SMPD3: variants seen among roughly 807,000 people sequenced by gnomAD.
SMPD3 encodes the protein sphingomyelin phosphodiesterase 3, also known as nSMase-2.
SMPD3 carries 21 observed loss-of-function variants against 55.7 expected under a neutral mutation model. That is an observed-to-expected ratio of 0.38 (90% CI 0.27 to 0.54). The LOEUF (loss-of-function observed/expected upper bound fraction) is 0.54. SMPD3 is among the 20% of genes least tolerant of loss of function. The pLI is 0.80. For missense variants in SMPD3, 842 were observed against 899.6 expected (o/e 0.94, Z 0.82); for synonymous variants, 457 against 404.3 (o/e 1.13, Z -1.56).
In SMPD3 at chr16:68,447,365, A is replaced by C. The variant is rs183745584; in HGVS notation, c.-269+988T>G. Among the ~76,000 whole-genome samples the C allele has an allele frequency of 1.3e-5, 2 of 152,190 alleles. No homozygotes were observed. The highest frequency in any genetic ancestry group is 4.8e-5 in the African/African-American group (2 of 41,540). The stretch of plus-strand genomic sequence containing the variant: ...AGACCCGCCCCGTCCCGCTCTGTAC[A>C]TGCCCATCTGGGATTGGCCCCCAGC... On this transcript the variant is annotated intron_variant, in intron 1 of 8. Coordinates refer to ENST00000219334, the MANE Select transcript of SMPD3 (RefSeq NM_018667.4). This position sits in a 1 kb window ranked among gnomAD's most constrained non-coding sequence, Gnocchi z 5.1.
chr16:68,420,861 C>T (rs2090387996), intron 1 of SMPD3, among the ~76,000 whole-genome samples: 1 of 152,204 alleles, frequency 6.6e-6, no homozygotes, highest in South Asian at 2.1e-4. Flanking sequence ...GGGCCCTGAA[C>T]CCACTTCAAC....
At chr16:68,381,859 C>T (rs907650257) in intron 2 of SMPD3, among the ~76,000 whole-genome samples, 1 of 152,224 alleles carries the variant, frequency 6.6e-6, no homozygotes, top group African/African-American at 2.4e-5. Context: ...ATGCTGAAAA[C>T]AAGCCTCATT....
At chr16:68,392,739 T>C (rs959193515) in intron 1 of SMPD3, among the ~76,000 whole-genome samples, 1 of 146,068 alleles carries the variant, frequency 6.8e-6, no homozygotes, top group Non-Finnish European at 1.5e-5. Flanking sequence ...TGTGCGCCTG[T>C]AGTCCCAGTT....
chr16:68,411,802 C>A (rs1293855329), intron 1 of SMPD3, among the ~76,000 whole-genome samples: 1 of 152,088 alleles, frequency 6.6e-6, no homozygotes, highest in Admixed American at 6.5e-5. Flanking sequence ...GCTGTGACAC[C>A]TTGGGGATCC....
At chr16:68,363,373 G>A (rs1303277276) in intron 7 of SMPD3, 123 bp downstream of exon 7, 12 of 1,093,234 alleles carry the variant, frequency 1.1e-5, no homozygotes, top group Non-Finnish European at 1.6e-5. Context: ...TGAGGGACAG[G>A]TTTCTGCCAA....
At chr16:68,431,799 G>C (rs1271240588) in intron 1 of SMPD3, among the ~76,000 whole-genome samples, 1 of 152,190 alleles carries the variant, frequency 6.6e-6, no homozygotes, top group Non-Finnish European at 1.5e-5. Context: ...GTGGGCATCT[G>C]TAATCCCAGC....
chr16:68,420,221 G>T (rs1051295676), intron 1 of SMPD3, among the ~76,000 whole-genome samples: 1 of 152,090 alleles, frequency 6.6e-6, no homozygotes, highest in Non-Finnish European at 1.5e-5. Flanking sequence ...GGGATTATAC[G>T]TGTGAGCCAC....
At chr16:68,408,774 C>T (rs1273760833) in intron 1 of SMPD3, among the ~76,000 whole-genome samples, 1 of 152,138 alleles carries the variant, frequency 6.6e-6, no homozygotes, top group African/African-American at 2.4e-5. Context: ...TCCAGGAGGG[C>T]AAAAACACAT....
intron 1 of SMPD3, among the ~76,000 whole-genome samples, chr16:68,441,346 A>G (rs1307763627): frequency 6.6e-6 from 1 of 152,192 alleles, no homozygotes; most frequent in Admixed American, 6.5e-5. Flanking sequence ...ACTTTGCTAA[A>G]TGCCTCAGTT....
At chr16:68,397,756 C>T (rs1363863826) in intron 1 of SMPD3, among the ~76,000 whole-genome samples, 1 of 152,214 alleles carries the variant, frequency 6.6e-6, no homozygotes, top group Admixed American at 6.5e-5. Flanking sequence ...TCCTCATCTT[C>T]TGGCCTTTTG....
chr16:68,422,285 T>G (rs1313839251), intron 1 of SMPD3, among the ~76,000 whole-genome samples: 1 of 152,208 alleles, frequency 6.6e-6, no homozygotes, highest in African/African-American at 2.4e-5. Context: ...GAATTTATCC[T>G]AGGTGAGGAA....
chr16:68,396,208 T>C (rs2090155883), intron 1 of SMPD3, among the ~76,000 whole-genome samples: 1 of 152,186 alleles, frequency 6.6e-6, no homozygotes, highest in Non-Finnish European at 1.5e-5. Flanking sequence ...TCCCTCCTAA[T>C]TGGGCTGAAG....
intron 1 of SMPD3, among the ~76,000 whole-genome samples, chr16:68,386,870 C>T (rs2090060861): frequency 6.6e-6 from 1 of 152,126 alleles, no homozygotes; most frequent in Non-Finnish European, 1.5e-5. Flanking sequence ...GTGGGTGGGG[C>T]CCGAGGTTTG....
Position 68,371,324 on chromosome 16 carries a change from G to C in SMPD3, c.858C>G (p.Asp286Glu), listed in dbSNP as rs145717053. Residue 286 changes from aspartate (D) to glutamate (E), a missense_variant, in exon 3 of 9, where the codon GAC becomes GAG. By Grantham distance (45) the Asp-to-Glu change is conservative. This residue lies in a region of SMPD3 where 649 missense variants were observed against 643.6 expected (regional missense o/e 1.01). Transcript: ENST00000219334. ...RGQTPNHNQQ[D>E]GDSGSLGSPS... ...GGCTGCCCAGGCTCCCTGAATCCCC[G>C]TCCTGCTGATTATGGTTGGGCGTCT... 1.0e-5 allele frequency: 16 copies of C among 1,596,894 alleles called. No homozygotes were observed. Among genetic ancestry groups the C allele is most frequent in the Non-Finnish European group, 1.3e-5 (15 of 1,178,312 alleles).
Position 68,364,857 on chromosome 16 carries a change from C to T in SMPD3, c.1449G>A (p.Leu483=), listed in dbSNP as rs763297365. Residue 483 remains leucine (L), a synonymous_variant, in exon 5 of 9, where the codon CTG becomes CTA. Coordinates refer to ENST00000219334, the MANE Select transcript of SMPD3 (RefSeq NM_018667.4). Reference sequence around the variant, plus strand: ...AGGAGGTAGATTTTCGGAAATCAGCCAGCCAGTCCTGAAGCAGGTCCAGCT... The same window carrying T: ...AGGAGGTAGATTTTCGGAAATCAGCTAGCCAGTCCTGAAGCAGGTCCAGCT... The part of the protein sequence containing the change: ...CGQLDLLQDW[L]ADFRKSTSSS... 10 of 1,613,970 alleles carry T rather than the reference C, an allele frequency of 6.2e-6. No homozygotes were observed. The highest frequency in any genetic ancestry group is 8.5e-6 in the Non-Finnish European group (10 of 1,180,026).
chr16:68,439,026 T>G (rs1408417522), intron 1 of SMPD3, among the ~76,000 whole-genome samples: 1 of 152,242 alleles, frequency 6.6e-6, no homozygotes, highest in Non-Finnish European at 1.5e-5. Context: ...CTGAGCACAA[T>G]GCCTGACCCA....
At chr16:68,409,682 C>T (rs2090283144) in intron 1 of SMPD3, among the ~76,000 whole-genome samples, 1 of 152,158 alleles carries the variant, frequency 6.6e-6, no homozygotes, top group Admixed American at 6.5e-5. Flanking sequence ...CAAGCTCCGC[C>T]TCCTGGGTTC....
At chr16:68,446,361 C>T (rs2090609511) in intron 1 of SMPD3, among the ~76,000 whole-genome samples, 1 of 152,168 alleles carries the variant, frequency 6.6e-6, no homozygotes, top group Non-Finnish European at 1.5e-5. Context: ...AAGCTACCTT[C>T]ACCCTGAGGG....
intron 1 of SMPD3, among the ~76,000 whole-genome samples, chr16:68,424,492 T>C (rs1361853614): frequency 6.6e-6 from 1 of 152,042 alleles, no homozygotes; most frequent in Non-Finnish European, 1.5e-5. Flanking sequence ...GACTCCACAG[T>C]GACCTGGGAA....
Sources: allele counts gnomAD v4.1 joint callset (sites outside exome capture counted in the v4.1 genomes callset), GRCh38; gene constraint gnomAD v4.1.1; regional missense constraint gnomAD v4.1.1; non-coding constraint Gnocchi (gnomAD v3.1); transcripts MANE v1.5; gene names NCBI Gene and HGNC (gene_info 2026-07-23, HGNC 2026-07-21).